Variants in PVT1 observed in about 807,000 individuals in gnomAD.
PVT1 encodes Pvt1 oncogene, also known as CXCR4/PVT1 fusion.
At chr8:127,965,856 T>A (rs1429172147) in intron 3 of PVT1, among the ~76,000 whole-genome samples, 4 of 152,170 alleles carry the variant, frequency 2.6e-5, no homozygotes, top group African/African-American at 9.7e-5. Flanking sequence ...AGAGCTTCCA[T>A]CCTACCTTCC....
intron 3 of PVT1, among the ~76,000 whole-genome samples, chr8:127,967,466 G>A (rs1816715987): frequency 6.6e-6 from 1 of 152,234 alleles, no homozygotes; most frequent in Non-Finnish European, 1.5e-5. Flanking sequence ...GCAGAGGCTA[G>A]CACTGGGGCC....
intron 2 of PVT1, among the ~76,000 whole-genome samples, chr8:127,799,140 G>A (rs1262957893): frequency 1.3e-5 from 2 of 151,834 alleles, no homozygotes; most frequent in Non-Finnish European, 1.5e-5. Flanking sequence ...GGTGGGGGGG[G>A]AGGTATGGCA....
At chr8:128,062,610 A>G (rs1813845173) in intron 4 of PVT1, among the ~76,000 whole-genome samples, 1 of 152,208 alleles carries the variant, frequency 6.6e-6, no homozygotes, top group Non-Finnish European at 1.5e-5. Flanking sequence ...GTATCATGTC[A>G]TTTGTAGGCT....
At position 127,812,264 on chromosome 8, in the gene PVT1, C is replaced by CAGGAAGGA. The variant is rs112398801; in HGVS notation, n.372+16212_372+16219dup. Among the ~76,000 whole-genome samples, 17 of 126,028 alleles carry CAGGAAGGA rather than the reference C, an allele frequency of 1.3e-4. No homozygotes were observed. The South Asian group carries it at 2.0e-3, about 15-fold the overall frequency. 82.7% of individuals were successfully genotyped at this position (126,028 alleles called of 152,430 possible). A position where few individuals can be genotyped will look rare whatever the true frequency, so the allele number is the denominator to read the frequency against. On this transcript the variant is annotated intron_variant and non_coding_transcript_variant, in intron 2 of 10. Transcript: ENST00000651587. The stretch of plus-strand genomic sequence containing the variant: ...GAAGGAAGGCAGGAAGGCAGGAAGG[C>CAGGAAGGA]AGGAAGGAAGGAAGGAAGGAAGGAA...
At chr8:127,999,459 T>A (rs1183559256) in intron 4 of PVT1, among the ~76,000 whole-genome samples, 3 of 148,724 alleles carry the variant, frequency 2.0e-5, no homozygotes, top group Admixed American at 2.0e-4. Context: ...TTACCACATT[T>A]CACCCATTTT....
At chr8:127,798,172 C>T (rs947181385) in intron 2 of PVT1, among the ~76,000 whole-genome samples, 12 of 151,766 alleles carry the variant, frequency 7.9e-5, no homozygotes, top group South Asian at 2.1e-4. Context: ...GGCATGGTGG[C>T]GCACACTTGT....
At chr8:128,025,598 A>G (rs1419473705) in intron 4 of PVT1, among the ~76,000 whole-genome samples, 1 of 152,220 alleles carries the variant, frequency 6.6e-6, no homozygotes, top group Non-Finnish European at 1.5e-5. Flanking sequence ...GCCTTTGATT[A>G]GATGTTAGGG....
chr8:128,079,004 C>CTT (rs200203311), intron 5 of PVT1, among the ~76,000 whole-genome samples: 153 of 127,974 alleles, frequency 1.2e-3, no homozygotes, highest in African/African-American at 4.1e-3. Context: ...CTTTTCTTTT[C>CTT]TTTTTTTTTT....
chr8:127,977,291 A>G (rs1477363802), intron 3 of PVT1, among the ~76,000 whole-genome samples: 2 of 151,918 alleles, frequency 1.3e-5, no homozygotes, highest in Admixed American at 6.6e-5. Context: ...TCCTGGGGGG[A>G]AACTGAAGCT....
intron 4 of PVT1, among the ~76,000 whole-genome samples, chr8:128,059,848 T>C (rs947775355): frequency 6.6e-6 from 1 of 152,216 alleles, no homozygotes; most frequent in South Asian, 2.1e-4. Context: ...AGTTGGGGTC[T>C]TGTTCCTAGA....
chr8:127,950,198 A>T (rs1381945180), intron 3 of PVT1, among the ~76,000 whole-genome samples: 1 of 152,242 alleles, frequency 6.6e-6, no homozygotes, highest in Admixed American at 6.5e-5. Context: ...TGACAGTGGG[A>T]ATGCTAACCG....
At chr8:127,871,870 C>T (rs577158107) in intron 2 of PVT1, among the ~76,000 whole-genome samples, 40 of 152,252 alleles carry the variant, frequency 2.6e-4, no homozygotes, top group African/African-American at 9.6e-4. Flanking sequence ...AGGCGGATCC[C>T]CTGAGGTCAG....
intron 5 of PVT1, among the ~76,000 whole-genome samples, chr8:128,076,203 G>A (rs894498468): frequency 5.9e-5 from 9 of 152,140 alleles, no homozygotes; most frequent in African/African-American, 1.7e-4. Context: ...CTCCCGGGAC[G>A]TTACTTCTCT....
At chr8:127,910,893 TTGTGTG>T (rs537562200) in intron 3 of PVT1, among the ~76,000 whole-genome samples, 1 of 140,634 alleles carries the variant, frequency 7.1e-6, no homozygotes, top group Non-Finnish European at 1.6e-5. Context: ...GTGTGTGTGT[TTGTGTG>T]TGTGTGTGTG....
chr8:127,967,181 C>G (rs539492462), intron 3 of PVT1, among the ~76,000 whole-genome samples: 2 of 152,314 alleles, frequency 1.3e-5, no homozygotes, highest in East Asian at 3.9e-4. Context: ...TGCATACCCA[C>G]CCGCTGATGA....
intron 2 of PVT1, among the ~76,000 whole-genome samples, chr8:127,831,387 AGATT>A (rs1422189751): frequency 6.6e-6 from 1 of 152,054 alleles, no homozygotes; most frequent in Non-Finnish European, 1.5e-5. Flanking sequence ...GATGGGCAGT[AGATT>A]GTGGGCGCAG....
At chr8:127,839,786 G>A (rs186837418) in intron 2 of PVT1, among the ~76,000 whole-genome samples, 116 of 152,142 alleles carry the variant, frequency 7.6e-4, no homozygotes, top group African/African-American at 2.7e-3. Context: ...AGGTTAAGGA[G>A]CCAACATGGA....
chr8:127,827,337 TC>T (rs144583565), intron 2 of PVT1, among the ~76,000 whole-genome samples: 6,283 of 152,174 alleles, frequency 0.041, 466 homozygotes, highest in African/African-American at 0.14. Flanking sequence ...CTGTCTGCTG[TC>T]TCTTGCTGGC....
intron 2 of PVT1, among the ~76,000 whole-genome samples, chr8:127,842,974 T>C (rs889622274): frequency 1.1e-4 from 16 of 152,206 alleles, no homozygotes; most frequent in African/African-American, 3.6e-4. Context: ...GTCTTCTGAA[T>C]GTATGACCAA....
Sources: allele counts gnomAD v4.1 joint callset (sites outside exome capture counted in the v4.1 genomes callset), GRCh38; gene constraint gnomAD v4.1.1; transcripts MANE v1.5; gene names NCBI Gene and HGNC (gene_info 2026-07-23, HGNC 2026-07-21).